Variants in SCHIP1 observed in about 807,000 individuals in gnomAD.
SCHIP1 encodes schwannomin interacting protein 1, also known as schwannomin-interacting protein 1.
A neutral mutation model predicts 29.7 loss-of-function variants in SCHIP1; 8 were observed. The ratio of observed to expected loss-of-function variants is 0.27; its 90% CI spans 0.16 to 0.49. SCHIP1 has a LOEUF of 0.49. Ranked by LOEUF, SCHIP1 falls within the 20% of genes least tolerant of loss-of-function variation. The pLI, the probability that SCHIP1 is intolerant of heterozygous loss-of-function variation, is 0.99. For synonymous variants in SCHIP1, 76 were observed against 94.9 expected, an observed-to-expected ratio of 0.80 and a Z score of 1.16; for missense variants, 193 against 294.6, an observed-to-expected ratio of 0.66 and a Z score of 2.52.
chr3:159,869,737 CA>C (rs1334456825), intron 2 of SCHIP1, among the ~76,000 whole-genome samples: 1 of 151,786 alleles, frequency 6.6e-6, no homozygotes, highest in Non-Finnish European at 1.5e-5. Flanking sequence ...TCAAGTTCAA[CA>C]AAATACTCTC....
the SCHIP1 span, among the ~76,000 whole-genome samples, chr3:159,366,162 A>G: frequency 6.6e-6 from 1 of 152,152 alleles, no homozygotes; most frequent in Admixed American, 6.6e-5. Flanking sequence ...TCACAGGGCA[A>G]AAGCATGAGC....
the SCHIP1 span, among the ~76,000 whole-genome samples, chr3:159,512,347 T>C: frequency 2.6e-5 from 4 of 152,204 alleles, no homozygotes; most frequent in South Asian, 2.1e-4. Context: ...CTATAGGTAA[T>C]ATAAAGTCTT....
chr3:159,328,273 A>G, the SCHIP1 span, among the ~76,000 whole-genome samples: 18 of 152,290 alleles, frequency 1.2e-4, no homozygotes, highest in Middle Eastern at 6.8e-3. Context: ...TCTCTTGGAC[A>G]ATTGTGCCCT....
At chr3:159,348,153 C>A in the SCHIP1 span, among the ~76,000 whole-genome samples, 1 of 152,044 alleles carries the variant, frequency 6.6e-6, no homozygotes, top group Non-Finnish European at 1.5e-5. Context: ...ATAATAAAAA[C>A]TTTAATCCTC....
At chr3:159,458,313 T>C in the SCHIP1 span, among the ~76,000 whole-genome samples, 1 of 152,110 alleles carries the variant, frequency 6.6e-6, no homozygotes, top group East Asian at 1.9e-4. Context: ...AAGTCCACTC[T>C]CCAGGACCTC....
chr3:159,312,452 A>G, the SCHIP1 span, among the ~76,000 whole-genome samples: 2 of 152,180 alleles, frequency 1.3e-5, no homozygotes, highest in Non-Finnish European at 2.9e-5. Flanking sequence ...GGAGGATTGC[A>G]TGGAATTTTG....
chr3:159,832,583 A>AT, the SCHIP1 span, among the ~76,000 whole-genome samples: 1 of 152,174 alleles, frequency 6.6e-6, no homozygotes, highest in Non-Finnish European at 1.5e-5. Context: ...GACTACTGAA[A>AT]TTATTCCCTT....
the SCHIP1 span, chr3:159,765,192 G>A: frequency 1.4e-6 from 2 of 1,479,804 alleles, no homozygotes; most frequent in Non-Finnish European, 9.0e-7. Context: ...CACACCCCGC[G>A]CACAGCCCGC....
the SCHIP1 span, among the ~76,000 whole-genome samples, chr3:159,829,817 GTC>G: frequency 1.3e-5 from 2 of 152,196 alleles, no homozygotes; most frequent in Non-Finnish European, 2.9e-5. Context: ...GTTTGGCACA[GTC>G]TCTCATCAAG....
the SCHIP1 span, among the ~76,000 whole-genome samples, chr3:159,804,397 C>A: frequency 6.6e-5 from 10 of 152,144 alleles, no homozygotes; most frequent in Admixed American, 5.9e-4. Flanking sequence ...AAAAATATAT[C>A]TCCACTGCTA....
the SCHIP1 span, among the ~76,000 whole-genome samples, chr3:159,707,509 T>C: frequency 1.3e-5 from 2 of 152,102 alleles, no homozygotes; most frequent in Non-Finnish European, 2.9e-5. Flanking sequence ...GGACATGAAA[T>C]GACAATGACA....
At chr3:159,623,928 C>T in the SCHIP1 span, among the ~76,000 whole-genome samples, 23 of 152,250 alleles carry the variant, frequency 1.5e-4, no homozygotes, top group African/African-American at 5.5e-4. Context: ...GTTCCCTACT[C>T]CCACTGCCTT....
chr3:159,433,820 T>C, the SCHIP1 span, among the ~76,000 whole-genome samples: 1 of 152,200 alleles, frequency 6.6e-6, no homozygotes, highest in Non-Finnish European at 1.5e-5. Context: ...CTCTTAATTA[T>C]TACTAAGAAT....
intron 1 of SCHIP1, chr3:159,853,466 G>A: frequency 1.4e-6 from 1 of 690,426 alleles, no homozygotes; most frequent in East Asian, 2.7e-5. Flanking sequence ...AGGTAAGGGG[G>A]GAGAGCTCTT....
the SCHIP1 span, among the ~76,000 whole-genome samples, chr3:159,366,631 C>T: frequency 6.6e-6 from 1 of 152,178 alleles, no homozygotes; most frequent in African/African-American, 2.4e-5. Context: ...CTAGACTTGT[C>T]CCTCCAGGCT....
At chr3:159,686,036 G>A in the SCHIP1 span, among the ~76,000 whole-genome samples, 1 of 152,118 alleles carries the variant, frequency 6.6e-6, no homozygotes, top group Admixed American at 6.6e-5. Flanking sequence ...CCTGGTGTGA[G>A]GCAGATGGAA....
the SCHIP1 span, among the ~76,000 whole-genome samples, chr3:159,623,860 GT>G: frequency 6.6e-6 from 1 of 152,020 alleles, no homozygotes; most frequent in African/African-American, 2.4e-5. Flanking sequence ...CATACCCCAC[GT>G]TTTCTTTCTC....
the SCHIP1 span, among the ~76,000 whole-genome samples, chr3:159,603,238 C>T: frequency 6.6e-6 from 1 of 152,216 alleles, no homozygotes; most frequent in Non-Finnish European, 1.5e-5. Context: ...AGCTTCCTTC[C>T]ATGCCTTCCC....
At chr3:159,494,194 T>C in the SCHIP1 span, among the ~76,000 whole-genome samples, 1 of 151,828 alleles carries the variant, frequency 6.6e-6, no homozygotes, top group South Asian at 2.1e-4. Flanking sequence ...TTAAAAGAAC[T>C]AGAGAAGCAA....
Sources: gnomAD v4.1 joint callset for allele counts (sites outside exome capture counted in the v4.1 genomes callset) on GRCh38, gnomAD v4.1.1 for gene constraint, MANE v1.5 for transcripts, NCBI Gene and HGNC (gene_info 2026-07-23, HGNC 2026-07-21) for gene names.